Variants in DIP2B observed in about 807,000 individuals in gnomAD.
DIP2B encodes DIP2 acetate--CoA ligase B (putative), also known as disco-interacting protein 2 homolog B.
In DIP2B, 76 loss-of-function variants were observed where a neutral mutation model predicts 198.0. The observed-to-expected ratio is 0.38, with a 90% CI of 0.32 to 0.46. The LOEUF (loss-of-function observed/expected upper bound fraction) is 0.46, where lower values mean the gene tolerates loss of function less well. DIP2B is among the 20% of genes least tolerant of loss of function. The pLI, the probability that DIP2B is intolerant of heterozygous loss-of-function variation, is 0.99. For missense variants in DIP2B, 1,559 were observed against 1,978.4 expected (o/e 0.79, Z 4.02); for synonymous variants, 701 against 739.1 (o/e 0.95, Z 0.84).
At chr12:50,505,522 C>A (rs1204271109) in intron 1 of DIP2B, among the ~76,000 whole-genome samples, 1 of 152,166 alleles carries the variant, frequency 6.6e-6, no homozygotes, top group African/African-American at 2.4e-5. Flanking sequence ...AAACCCGAGA[C>A]AAAGCTGCGC....
intron 25 of DIP2B, among the ~76,000 whole-genome samples, chr12:50,720,791 AAAAAAG>A (rs1337161278): frequency 6.6e-6 from 1 of 152,186 alleles, no homozygotes; most frequent in African/African-American, 2.4e-5. Context: ...TGTCAGAACA[AAAAAAG>A]AAAGAAAAAG....
intron 33 of DIP2B, 46 bp downstream of exon 33, chr12:50,734,242 T>C (rs749307271): frequency 6.2e-7 from 1 of 1,601,460 alleles, no homozygotes; most frequent in Admixed American, 1.7e-5. Context: ...TTCCTAAGCA[T>C]AACAAATTCG....
At chr12:50,596,444 A>G (rs1175139464) in intron 1 of DIP2B, among the ~76,000 whole-genome samples, 1 of 152,182 alleles carries the variant, frequency 6.6e-6, no homozygotes, top group Non-Finnish European at 1.5e-5. Context: ...TCTCTTCCTA[A>G]TGGCTGTATA....
At chr12:50,643,405 CTG>C (rs57483938) in intron 3 of DIP2B, among the ~76,000 whole-genome samples, 6,895 of 131,034 alleles carry the variant, frequency 0.053, 261 homozygotes, top group African/African-American at 0.11. Context: ...GGGAGTTTTT[CTG>C]TGTGTGTGTG....
At chr12:50,708,610 C>T in intron 22 of DIP2B, 48 bp downstream of exon 22, 2 of 1,445,996 alleles carry the variant, frequency 1.4e-6, no homozygotes, top group Non-Finnish European at 1.9e-6. Context: ...GCAGCAACCA[C>T]TGCCTAAGCA....
chr12:50,536,271 G>GCATGCATA (rs1555182426), intron 1 of DIP2B, among the ~76,000 whole-genome samples: 7 of 148,080 alleles, frequency 4.7e-5, no homozygotes, highest in South Asian at 2.2e-4. Flanking sequence ...CTAAATACGT[G>GCATGCATA]CATACATACA....
chr12:50,548,257 G>A (rs949584632), intron 1 of DIP2B, among the ~76,000 whole-genome samples: 20 of 151,902 alleles, frequency 1.3e-4, no homozygotes, highest in Admixed American at 1.0e-3. Context: ...ATGCTTTTCT[G>A]ATATTTTTCA....
At chr12:50,536,113 G>A (rs1189240017) in intron 1 of DIP2B, among the ~76,000 whole-genome samples, 1 of 151,556 alleles carries the variant, frequency 6.6e-6, no homozygotes, top group African/African-American at 2.4e-5. Context: ...GGACATTTGG[G>A]TTGGTTCCAA....
chr12:50,571,548 GTTTTTTTT>G (rs71083600), intron 1 of DIP2B, among the ~76,000 whole-genome samples: 4 of 85,746 alleles, frequency 4.7e-5, no homozygotes, highest in Non-Finnish European at 8.4e-5. Context: ...AAACCTAGGC[GTTTTTTTT>G]TTTTTTTTTT....
At chr12:50,632,748 G>A (rs974109434) in intron 2 of DIP2B, among the ~76,000 whole-genome samples, 3 of 151,702 alleles carry the variant, frequency 2.0e-5, no homozygotes, top group Non-Finnish European at 4.4e-5. Context: ...TGTTGGCCAG[G>A]CTGGTCTCAA....
intron 1 of DIP2B, among the ~76,000 whole-genome samples, chr12:50,598,444 C>G (rs1452584560): frequency 2.0e-5 from 3 of 151,910 alleles, no homozygotes; most frequent in Non-Finnish European, 4.4e-5. Flanking sequence ...TGATTCCATC[C>G]TCTTCCTCTT....
chr12:50,517,236 T>G (rs376076543), intron 1 of DIP2B, among the ~76,000 whole-genome samples: 1 of 151,844 alleles, frequency 6.6e-6, no homozygotes, highest in African/African-American at 2.4e-5. Context: ...TTGTTTTAAT[T>G]AGATTTTTTT....
chr12:50,577,773 A>G (rs1453277927), intron 1 of DIP2B, among the ~76,000 whole-genome samples: 1 of 151,954 alleles, frequency 6.6e-6, no homozygotes, highest in Admixed American at 6.6e-5. Context: ...CTGTCCTCAC[A>G]TGTATCCCAG....
intron 20 of DIP2B, among the ~76,000 whole-genome samples, chr12:50,705,431 C>A (rs1939497068): frequency 6.6e-6 from 1 of 152,164 alleles, no homozygotes; most frequent in South Asian, 2.1e-4. Context: ...AAATGGAGCT[C>A]CAAGCCTTTC....
At chr12:50,697,892 C>G (rs141551548) in intron 17 of DIP2B, among the ~76,000 whole-genome samples, 1 of 151,850 alleles carries the variant, frequency 6.6e-6, no homozygotes, top group Non-Finnish European at 1.5e-5. Flanking sequence ...GTTTACTACA[C>G]TACATTTTTT....
Position 50,664,332 on chromosome 12 carries a change from A to G in DIP2B, c.427+4013A>G, listed in dbSNP as rs552387696. ...CACCTGATAAGATGTCAGTCACCCT[A>G]AAATTTGCTTATTGAATTATGTACA... is the stretch of plus-strand genomic sequence containing the variant. On this transcript the variant is annotated intron_variant, in intron 4 of 37. Coordinates refer to ENST00000301180, the MANE Select transcript of DIP2B (RefSeq NM_173602.3). 1.4e-3 allele frequency among the ~76,000 whole-genome samples: 209 copies of G among 152,324 alleles called. 1 individual carries two copies. Among genetic ancestry groups the G allele is most frequent in the Non-Finnish European group, 4.6e-4 (31 of 68,030 alleles).
rs1940364902 is a variant in DIP2B, at chr12:50,748,104, GC to G, written c.*3268del. The stretch of plus-strand genomic sequence containing the variant: ...TAATGCTTTTGTTGACTCAACAAGG[GC>G]CCGAGGCCTTAGGTTTTCTATTAAG... On this transcript the variant is annotated 3_prime_UTR_variant, in exon 38 of 38. Transcript: ENST00000301180. 1 of 152,588 alleles carries G rather than the reference GC, an allele frequency of 6.6e-6. No individual in the cohort carries two copies. Among genetic ancestry groups the G allele is most frequent in the Non-Finnish European group, 1.5e-5 (1 of 68,030 alleles). The allele number at this position is 152,588 out of a possible 1,614,324, so 9.5% of individuals were successfully genotyped here. A position where few individuals can be genotyped will look rare whatever the true frequency, so the allele number is the denominator to read the frequency against.
At chr12:50,635,967 A>G (rs918076942) in intron 2 of DIP2B, among the ~76,000 whole-genome samples, 6 of 152,208 alleles carry the variant, frequency 3.9e-5, no homozygotes, top group African/African-American at 1.4e-4. Context: ...TTGCAATATG[A>G]AAGACCAAGG....
intron 11 of DIP2B, among the ~76,000 whole-genome samples, 182 bp from the exon 12 acceptor site, chr12:50,686,391 G>T (rs567869376): frequency 6.6e-6 from 1 of 152,276 alleles, no homozygotes; most frequent in South Asian, 2.1e-4. Context: ...TGGAACGATT[G>T]TACTTTTGAA....
Sources: gnomAD v4.1 joint callset for allele counts (sites outside exome capture counted in the v4.1 genomes callset) on GRCh38, gnomAD v4.1.1 for gene constraint, MANE v1.5 for transcripts, NCBI Gene and HGNC (gene_info 2026-07-23, HGNC 2026-07-21) for gene names.